Variants in FCN3 observed in about 807,000 individuals in gnomAD.
FCN3 encodes ficolin-3.
A neutral mutation model predicts 31.5 loss-of-function variants in FCN3; 28 were observed. The observed-to-expected ratio is 0.89, with a 90% CI of 0.66 to 1.22. FCN3 has a LOEUF of 1.22. Among genes scored for constraint, FCN3 ranks in the 50% most tolerant of loss-of-function variants. FCN3 has a pLI of 0.00. For missense variants in FCN3, 351 were observed against 386.8 expected (o/e 0.91, Z 0.78); for synonymous variants, 124 against 147.4 (o/e 0.84, Z 1.15).
At chr1:27,374,576 C>T (rs2016213301) in intron 1 of FCN3, 125 bp from the exon 2 acceptor site, 3 of 790,098 alleles carry the variant, frequency 3.8e-6, no homozygotes, top group South Asian at 1.7e-5. Flanking sequence ...GGCAAGGTTT[C>T]GTGTGCTTTG....
At chr1:27,373,884 A>C in intron 3 of FCN3, 81 bp downstream of exon 3, 1 of 1,239,114 alleles carries the variant, frequency 8.1e-7, no homozygotes, top group South Asian at 1.3e-5. Flanking sequence ...TCATAGGCAC[A>C]GCAGCCAAGC....
At chr1:27,374,071 A>C in intron 2 of FCN3, 62 bp from the exon 3 acceptor site, 1 of 1,464,280 alleles carries the variant, frequency 6.8e-7, no homozygotes, top group Non-Finnish European at 9.4e-7. Context: ...AAAAAGAAAC[A>C]AGAGACTTGG....
At chr1:27,370,812 C>A (rs1248979692) in intron 6 of FCN3, 31 bp downstream of exon 6, 2 of 1,611,882 alleles carry the variant, frequency 1.2e-6, no homozygotes. Flanking sequence ...GACAGTAACC[C>A]CCAGACTCCA....
intron 2 of FCN3, 66 bp from the exon 3 acceptor site, chr1:27,374,075 G>C (rs1005675568): frequency 7.0e-7 from 1 of 1,434,444 alleles, no homozygotes; most frequent in Non-Finnish European, 9.7e-7. Context: ...AGAAACAAGA[G>C]ACTTGGAGCC....
chr1:27,373,457 A>G, intron 4 of FCN3, 31 bp downstream of exon 4: 1 of 1,613,546 alleles, frequency 6.2e-7, no homozygotes, highest in Non-Finnish European at 8.5e-7. Context: ...ATGTGATCCC[A>G]AGTTCCTGGC....
chr1:27,373,979 G>A lies in FCN3; in HGVS notation c.218C>T (p.Pro73Leu), dbSNP rs758229685. The A allele has an allele frequency of 9.3e-6, 15 of 1,613,576 alleles. No individual in the cohort carries two copies. In the African/African-American group the frequency reaches 2.0e-4, roughly 22 times the overall value. Residue 73 changes from proline (P) to leucine (L), a missense_variant, in exon 3 of 8, where the codon CCC becomes CTC. Coordinates refer to ENST00000270879, the MANE Select transcript of FCN3 (RefSeq NM_003665.4). ...CACTTACTCACCTGGCTCACCCTTG[G>A]GGCCCATCTTGCCTGGTGGTCCAGG... ...GPPGPPGKMG[P>L]KGEPGDPVNL... is the part of the protein sequence containing the mutation.
At chr1:27,371,117 G>T in intron 5 of FCN3, 145 bp from the exon 6 acceptor site, 2 of 792,244 alleles carry the variant, frequency 2.5e-6, no homozygotes, top group Non-Finnish European at 4.1e-6. Context: ...AGTTAGCTTT[G>T]AATATTTCTA....
chr1:27,373,664 G>A (rs2016193596), intron 3 of FCN3, 144 bp from the exon 4 acceptor site: 1 of 853,902 alleles, frequency 1.2e-6, no homozygotes, highest in Non-Finnish European at 1.9e-6. Context: ...CCATCATAGG[G>A]TACCCAGGCC....
At chr1:27,371,537 C>T (rs2016146041) in intron 5 of FCN3, among the ~76,000 whole-genome samples, 1 of 152,104 alleles carries the variant, frequency 6.6e-6, no homozygotes, top group Admixed American at 6.5e-5. Flanking sequence ...GATCACACCA[C>T]TGCACTCCAG....
Position 27,370,711 on chromosome 1 carries a change from TAC to T in FCN3, c.541_542del (p.Val181ArgfsTer6), listed in dbSNP as rs1280441849. On this transcript the variant is annotated frameshift_variant, in exon 7 of 8. Transcript: ENST00000270879. LOFTEE classifies it high-confidence loss of function. Reference protein sequence around the residue: ...LTLQGNWELRVELEDFNGNRT... With the variant: ...LTLQGNWELRXELEDFNGNRT... ...GGTTACCATTAAAGTCTTCCAGCTC[TAC>T]CCGCAGCTCCCAGTTACCTGGAAAG... 1 of 1,614,210 alleles carries T rather than the reference TAC, an allele frequency of 6.2e-7. No individual in the cohort carries two copies. Among genetic ancestry groups the T allele is most frequent in the East Asian group, 2.2e-5 (1 of 44,890 alleles).
rs1557575276 is a variant in FCN3 at position 27,370,592 on chromosome 1, T to C, written c.658+4A>G. The C allele has an allele frequency of 1.2e-6, 2 of 1,613,722 alleles. No homozygotes were observed. Among genetic ancestry groups the C allele is most frequent in the Non-Finnish European group, 1.7e-6 (2 of 1,179,670 alleles). On this transcript the variant is annotated splice_donor_region_variant and intron_variant, in intron 7 of 7. Transcript: ENST00000270879. ...CTTCCTCTGCTCCCCTTAGGCTCAC[T>C]CACCTGCAGTGCCCTCTGAGAACTT... is the stretch of plus-strand genomic sequence containing the variant.
intron 2 of FCN3, 43 bp from the exon 3 acceptor site, chr1:27,374,052 C>T (rs771358061): frequency 1.3e-6 from 2 of 1,568,334 alleles, no homozygotes; most frequent in East Asian, 2.2e-5. Flanking sequence ...CCACCCCATG[C>T]CCAGGACCAA....
At position 27,373,844 on chromosome 1, in the gene FCN3, C is replaced by T. The variant is rs536365021; in HGVS notation, c.232+121G>A. The stretch of plus-strand genomic sequence containing the variant: ...CTTCTCCTAATCCTTCCCACTCCTC[C>T]CAGCCATCCATTCCCCTGTGAGAGA... On this transcript the variant is annotated intron_variant, in intron 3 of 7. Coordinates refer to ENST00000270879, the MANE Select transcript of FCN3 (RefSeq NM_003665.4). 1.5e-4 allele frequency: 135 copies of T among 891,730 alleles called. 1 individual carries two copies. The African/African-American group carries it at 2.1e-3, about 14-fold the overall frequency. The allele number at this position is 891,730 out of a possible 1,614,324, so 55.2% of individuals were successfully genotyped here.
chr1:27,370,934 G>C lies in FCN3; in HGVS notation c.432C>G (p.Phe144Leu), dbSNP rs138940198. The change falls in exon 6 of 8, where the codon TTC becomes TTG. Residue 144 changes from phenylalanine (F) to leucine (L), a missense_variant. Physicochemically the swap from Phe to Leu is conservative, Grantham distance 22. Transcript: ENST00000270879. ...CTGCTCTGTAGGAGGACCAAGAGCG[G>C]AAGAAATCCACAGAACCATCCTGGC... ...QRRQDGSVDFFRSWSSYRAGF... is the reference protein window; with the variant it reads ...QRRQDGSVDFLRSWSSYRAGF... The C allele has an allele frequency of 2.4e-4, 391 of 1,613,434 alleles. 2 individuals are homozygous for C. In the African/African-American group the frequency reaches 4.9e-3, roughly 20 times the overall value.
Position 27,369,380 on chromosome 1 carries a change from G to A in FCN3, c.756C>T (p.Ala252=), listed in dbSNP as rs1434820891. The A allele has an allele frequency of 1.2e-6, 2 of 1,614,228 alleles. No individual in the cohort carries two copies. Among genetic ancestry groups the A allele is most frequent in the South Asian group, 1.1e-5 (1 of 91,084 alleles). ...NSNCAVIVHG[A]WWYASCYRSN... ...ATCGGTAACAGGATGCATACCACCA[G>A]GCACCGTGGACAATCACTGCACAGT... The change falls in exon 8 of 8, where the codon GCC becomes GCT. Residue 252 remains alanine (A), a synonymous_variant. Transcript: ENST00000270879.
chr1:27,374,653 G>T, intron 1 of FCN3, 75 bp downstream of exon 1: 1 of 928,838 alleles, frequency 1.1e-6, no homozygotes, highest in Non-Finnish European at 1.6e-6. Context: ...CCTTGAGGTT[G>T]ATGAGCCTTG....
rs767569533 is a variant in FCN3 at position 27,369,495 on chromosome 1, G to C, written c.659-18C>G. Reference sequence around the variant, plus strand: ...GGAATCCCCTAGCAGGGAAGGGATGGAAAGCACCTTGGTGCCCAGCACCAC... The same window carrying C: ...GGAATCCCCTAGCAGGGAAGGGATGCAAAGCACCTTGGTGCCCAGCACCAC... On this transcript the variant is annotated intron_variant, in intron 7 of 7. Coordinates refer to ENST00000270879, the MANE Select transcript of FCN3 (RefSeq NM_003665.4). 1 of 1,611,290 alleles carries C rather than the reference G, an allele frequency of 6.2e-7. No homozygotes were observed. The highest frequency in any genetic ancestry group is 1.3e-5 in the African/African-American group (1 of 74,900).
chr1:27,374,789 C>T lies in FCN3; in HGVS notation c.30G>A (p.Leu10=). The change falls in exon 1 of 8, where the codon CTG becomes CTA. Residue 10 remains leucine, a synonymous_variant. Transcript: ENST00000270879. ...CAGGCCCCCCAAGCAGGAGAAGCCA[C>T]AGGGAGGGCAGGATCCACAGTAGAT... The part of the protein sequence containing the change: MDLLWILPS[L]WLLLLGGPAC... 7.2e-7 allele frequency: 1 copy of T among 1,387,312 alleles called. No homozygotes were observed. The highest frequency in any genetic ancestry group is 9.4e-7 in the Non-Finnish European group (1 of 1,065,318). 85.9% of individuals were successfully genotyped at this position (1,387,312 alleles called of 1,614,324 possible).
chr1:27,374,409 C>G lies in FCN3; in HGVS notation c.134G>C (p.Ser45Thr). Reference protein sequence around the residue: ...LEASKVVLLPSCPGAPGSPGE... With the variant: ...LEASKVVLLPTCPGAPGSPGE... ...AGGACTTCCTGGAGCTCCGGGACAACTGGGCAGGAGGACAACTTTGCTGGC... is the reference window on the plus strand; with the variant it reads ...AGGACTTCCTGGAGCTCCGGGACAAGTGGGCAGGAGGACAACTTTGCTGGC... Residue 45 changes from serine to threonine, a missense_variant, in exon 2 of 8, where the codon AGT becomes ACT. By Grantham distance (58) the Ser-to-Thr change is moderately conservative. Transcript: ENST00000270879. 6.2e-7 allele frequency: 1 copy of G among 1,613,962 alleles called. No individual in the cohort carries two copies. Among genetic ancestry groups the G allele is most frequent in the Non-Finnish European group, 8.5e-7 (1 of 1,179,962 alleles).
Sources: allele counts gnomAD v4.1 joint callset (sites outside exome capture counted in the v4.1 genomes callset), GRCh38; gene constraint gnomAD v4.1.1; transcripts MANE v1.5; gene names NCBI Gene and HGNC (gene_info 2026-07-23, HGNC 2026-07-21).